SLC39A7: variants seen among roughly 807,000 people sequenced by gnomAD.
SLC39A7 encodes the protein zinc transporter SLC39A7.
Under a neutral mutation model 39.7 loss-of-function variants are expected in SLC39A7, and 25 were observed. That is an observed-to-expected ratio of 0.63 (90% CI 0.46 to 0.88). The LOEUF is 0.88. SLC39A7 is among the 40% of genes least tolerant of loss of function. SLC39A7 has a pLI of 0.00. For synonymous variants in SLC39A7, 181 were observed against 234.1 expected (o/e 0.77, Z 2.07); for missense variants, 501 against 592.1 (o/e 0.85, Z 1.60).
chr6:33,202,228 C>A (rs1232236035), intron 3 of SLC39A7, 35 bp from the exon 4 acceptor site: 1 of 1,601,798 alleles, frequency 6.2e-7, no homozygotes, highest in South Asian at 1.1e-5. Flanking sequence ...CTGGAATGCA[C>A]ATCTCCCTTA....
At chr6:33,202,476 TCTC>T in intron 4 of SLC39A7, 49 bp downstream of exon 4, 1 of 1,605,788 alleles carries the variant, frequency 6.2e-7, no homozygotes, top group African/African-American at 1.3e-5. Context: ...TGCCTCAGAA[TCTC>T]CTCATCTTAT....
rs1232341109 is a variant in SLC39A7 at position 33,202,219 on chromosome 6, T to C, written c.635-44T>C. The C allele has an allele frequency of 5.6e-6, 9 of 1,598,728 alleles. No individual in the cohort carries two copies. In the Admixed American group the frequency reaches 1.3e-4, roughly 24 times the overall value. ...CTCCCGCACTTGAGGAGGAGGAGTC[T>C]GGAATGCACATCTCCCTTAATGTCT... On this transcript the variant is annotated intron_variant, in intron 3 of 6. Transcript: ENST00000374677.
chr6:33,203,329 C>T (rs572353736), intron 6 of SLC39A7, among the ~76,000 whole-genome samples: 5 of 152,324 alleles, frequency 3.3e-5, no homozygotes, highest in Admixed American at 2.0e-4. Flanking sequence ...TACACACACA[C>T]GCCTACTCAA....
rs1483718052 is a variant in SLC39A7, at chr6:33,202,920, G to A, written c.951G>A (p.Val317=). The A allele has an allele frequency of 1.2e-6, 2 of 1,610,554 alleles. No homozygotes were observed. Among genetic ancestry groups the A allele is most frequent in the Non-Finnish European group, 1.7e-6 (2 of 1,179,316 alleles). The change falls in exon 6 of 7, where the codon GTG becomes GTA. Residue 317 remains valine, a synonymous_variant. Coordinates refer to ENST00000374677, the MANE Select transcript of SLC39A7 (RefSeq NM_006979.3). The part of the protein sequence containing the change: ...EEEKRGLDLR[V]SGYLNLAADL... ...CTTGTCCTGTACAAGACCTGCGTGTGTCGGGGTACCTGAATCTGGCTGCTG... is the reference window on the plus strand; with the variant it reads ...CTTGTCCTGTACAAGACCTGCGTGTATCGGGGTACCTGAATCTGGCTGCTG...
chr6:33,201,642 ACT>A lies in SLC39A7; in HGVS notation c.402_403del (p.Trp135GlyfsTer59). The A allele has an allele frequency of 1.2e-6, 2 of 1,610,222 alleles. No individual in the cohort carries two copies. Among genetic ancestry groups the A allele is most frequent in the African/African-American group, 1.3e-5 (1 of 74,822 alleles). On this transcript the variant is annotated frameshift_variant, in exon 1 of 7. Transcript: ENST00000374677. LOFTEE classifies it high-confidence loss of function. This position sits in a 1 kb window ranked among gnomAD's most constrained non-coding sequence, Gnocchi z 5.9. The stretch of plus-strand genomic sequence containing the variant: ...CATCAAGCAGGACCTGGATGCTGTC[ACT>A]CTCTGGGCTTATGTGAGTCTCCAGG... The part of the protein sequence containing the change: ...PGIKQDLDAV[T>X]LWAYALGATV...
rs1277202102 is a variant in SLC39A7, at chr6:33,201,438, G to A, written c.193G>A (p.Gly65Ser). Residue 65 changes from glycine (G) to serine (S), a missense_variant, in exon 1 of 7, where the codon GGC becomes AGC. Coordinates refer to ENST00000374677, the MANE Select transcript of SLC39A7 (RefSeq NM_006979.3). The surrounding 1 kb of genome is among the most constrained non-coding windows in gnomAD (Gnocchi z 5.9). ...TGGCCACAGCCATGCCCATGGCCATGGCCACACTCACGAGAGCATCTGGCA... is the reference window on the plus strand; with the variant it reads ...TGGCCACAGCCATGCCCATGGCCATAGCCACACTCACGAGAGCATCTGGCA... ...HHGHSHAHGH[G>S]HTHESIWHGH... 1.2e-6 allele frequency: 2 copies of A among 1,614,052 alleles called. No individual in the cohort carries two copies. Among genetic ancestry groups the A allele is most frequent in the South Asian group, 1.1e-5 (1 of 91,056 alleles).
Position 33,201,432 on chromosome 6 carries a change from GGCCATGGCCACACTCACGAGA to G in SLC39A7, c.190_210del (p.His64_Ser70del). On this transcript the variant is annotated inframe_deletion, in exon 1 of 7. Transcript: ENST00000374677. The surrounding 1 kb of genome is among the most constrained non-coding windows in gnomAD (Gnocchi z 5.9). The stretch of plus-strand genomic sequence containing the variant: ...CCACCATGGCCACAGCCATGCCCAT[GGCCATGGCCACACTCACGAGA>G]GCATCTGGCATGGACATACCCACGA... 6.2e-7 allele frequency: 1 copy of G among 1,613,560 alleles called. No homozygotes were observed. Among genetic ancestry groups the G allele is most frequent in the Non-Finnish European group, 8.5e-7 (1 of 1,179,548 alleles).
chr6:33,204,019 T>G lies in SLC39A7; in HGVS notation c.*206T>G, dbSNP rs1247163674. On this transcript the variant is annotated 3_prime_UTR_variant, in exon 7 of 7. Transcript: ENST00000374677. ...GAATGAGAGGCCAGAGGGACCATAG[T>G]GTTGGGCACTGTCTGACCATGTTGC... The G allele has an allele frequency of 2.8e-5, 17 of 608,934 alleles. No homozygotes were observed. The Admixed American group carries it at 4.9e-4, about 18-fold the overall frequency. 37.7% of individuals were successfully genotyped at this position (608,934 alleles called of 1,614,324 possible).
Position 33,201,438 on chromosome 6 carries a change from G to T in SLC39A7, c.193G>T (p.Gly65Cys). 1 of 1,614,052 alleles carries T rather than the reference G, an allele frequency of 6.2e-7. No homozygotes were observed. The highest frequency in any genetic ancestry group is 8.5e-7 in the Non-Finnish European group (1 of 1,179,952). ...HHGHSHAHGH[G>C]HTHESIWHGH... ...TGGCCACAGCCATGCCCATGGCCAT[G>T]GCCACACTCACGAGAGCATCTGGCA... is the stretch of plus-strand genomic sequence containing the variant. Residue 65 changes from glycine to cysteine, a missense_variant, in exon 1 of 7, where the codon GGC becomes TGC. By Grantham distance (159) the Gly-to-Cys change is radical. Coordinates refer to ENST00000374677, the MANE Select transcript of SLC39A7 (RefSeq NM_006979.3). This position sits in a 1 kb window ranked among gnomAD's most constrained non-coding sequence, Gnocchi z 5.9.
In SLC39A7 at chr6:33,203,762, G is replaced by A. The variant is rs1272173676; in HGVS notation, c.1359G>A (p.Leu453=). 6.2e-7 allele frequency: 1 copy of A among 1,614,102 alleles called. No homozygotes were observed. The highest frequency in any genetic ancestry group is 8.5e-7 in the Non-Finnish European group (1 of 1,180,042). The change falls in exon 7 of 7, where the codon CTG becomes CTA. Residue 453 remains leucine, a synonymous_variant. Coordinates refer to ENST00000374677, the MANE Select transcript of SLC39A7 (RefSeq NM_006979.3). ...CATTGCAATCACTTCTGGAGGTGCT[G>A]GGGCTGCTGGGGGGAGTTATCATGA... The part of the protein sequence containing the change: ...ASPLQSLLEV[L]GLLGGVIMMV...
Position 33,202,426 on chromosome 6 carries a change from A to G in SLC39A7, c.798A>G (p.Gln266=). 6.2e-7 allele frequency: 1 copy of G among 1,612,256 alleles called. No homozygotes were observed. The highest frequency in any genetic ancestry group is 1.1e-5 in the South Asian group (1 of 91,016). ...HTRGSHGHGR[Q]ERSTKEKQSS... ...GTGGAAGTCATGGACATGGAAGACA[A>G]GGTGAGCCCAGGAACAACTTTCCTG... Residue 266 remains glutamine (Q), a splice_region_variant and synonymous_variant, in exon 4 of 7, where the codon CAA becomes CAG. Coordinates refer to ENST00000374677, the MANE Select transcript of SLC39A7 (RefSeq NM_006979.3).
In SLC39A7 at chr6:33,204,093, G is replaced by C. The variant is rs536519441; in HGVS notation, c.*280G>C. The C allele has an allele frequency of 1.9e-5, 11 of 571,112 alleles. No individual in the cohort carries two copies. The East Asian group carries it at 2.9e-4, about 15-fold the overall frequency. 35.4% of individuals were successfully genotyped at this position (571,112 alleles called of 1,614,324 possible). On this transcript the variant is annotated 3_prime_UTR_variant, in exon 7 of 7. Coordinates refer to ENST00000374677, the MANE Select transcript of SLC39A7 (RefSeq NM_006979.3). ...TGAAGAAGGCTGGAAGGGACAGGGG[G>C]TGATGGCAGCCTACCTGGTGTCCCC...
rs748256939 is a variant in SLC39A7, at chr6:33,202,867, T to C, written c.941-43T>C. 11 of 1,589,264 alleles carry C rather than the reference T, an allele frequency of 6.9e-6. No homozygotes were observed. In the African/African-American group the frequency reaches 1.5e-4, roughly 22 times the overall value. ...AGCTGACCAAGACTGGAACAAGTGG[T>C]GATGGAAGCCTCTGATCATTTTCTC... On this transcript the variant is annotated intron_variant, in intron 5 of 6. Transcript: ENST00000374677.
In SLC39A7 at chr6:33,201,140, C is replaced by A; in HGVS notation, c.-106C>A. 1 of 1,080,272 alleles carries A rather than the reference C, an allele frequency of 9.3e-7. No individual in the cohort carries two copies. The highest frequency in any genetic ancestry group is 1.4e-6 in the Non-Finnish European group (1 of 736,512). 66.9% of individuals were successfully genotyped at this position (1,080,272 alleles called of 1,614,324 possible). On this transcript the variant is annotated 5_prime_UTR_variant, in exon 1 of 7. Coordinates refer to ENST00000374677, the MANE Select transcript of SLC39A7 (RefSeq NM_006979.3). The surrounding 1 kb of genome is among the most constrained non-coding windows in gnomAD (Gnocchi z 5.9). Reference sequence around the variant, plus strand: ...GTGGGAACTTAAGGGAATGGGAGAGCGGCCCATAGAGGTGGACGGAGGGCG... The same window carrying A: ...GTGGGAACTTAAGGGAATGGGAGAGAGGCCCATAGAGGTGGACGGAGGGCG...
Position 33,202,269 on chromosome 6 carries a change from G to T in SLC39A7, c.641G>T (p.Gly214Val). The change falls in exon 4 of 7, where the codon GGC (glycine) becomes GTC (valine). Residue 214 changes from glycine (G) to valine (V), a missense_variant. By Grantham distance (109) the Gly-to-Val change is moderately radical. Coordinates refer to ENST00000374677, the MANE Select transcript of SLC39A7 (RefSeq NM_006979.3). Reference sequence around the variant, plus strand: ...TCAATGCCTCCATTCCCAGGCCAGGGCCCCATTCTGTCTGTGGGACTGTGG... The same window carrying T: ...TCAATGCCTCCATTCCCAGGCCAGGTCCCCATTCTGTCTGTGGGACTGTGG... Reference protein sequence around the residue: ...PGHGHSHSGQGPILSVGLWVL... With the variant: ...PGHGHSHSGQVPILSVGLWVL... 1 of 1,612,840 alleles carries T rather than the reference G, an allele frequency of 6.2e-7. No individual in the cohort carries two copies. The highest frequency in any genetic ancestry group is 8.5e-7 in the Non-Finnish European group (1 of 1,179,898).
intron 5 of SLC39A7, 43 bp downstream of exon 5, chr6:33,202,743 T>C (rs757298610): frequency 6.4e-7 from 1 of 1,571,142 alleles, no homozygotes; most frequent in South Asian, 1.2e-5. Flanking sequence ...AGGGACATCA[T>C]CACAAATCAC....
rs751736422 is a variant in SLC39A7 at position 33,202,086 on chromosome 6, CACA to C, written c.596_598del (p.His199_Thr200delinsPro). On this transcript the variant is annotated inframe_deletion, in exon 3 of 7. Transcript: ENST00000374677. ...CCTTCTTCCAGAACCTCATTCTCAC[CACA>C]CTCTGGAGCAACCCGGACATGGACA... is the stretch of plus-strand genomic sequence containing the variant. The C allele has an allele frequency of 6.2e-7, 1 of 1,612,954 alleles. No homozygotes were observed. Among genetic ancestry groups the C allele is most frequent in the East Asian group, 2.2e-5 (1 of 44,874 alleles).
At chr6:33,203,417 CTT>C in intron 6 of SLC39A7, 122 bp from the exon 7 acceptor site, 1 of 1,017,916 alleles carries the variant, frequency 9.8e-7, no homozygotes, top group Non-Finnish European at 1.4e-6. Flanking sequence ...TCCCTCTTCT[CTT>C]TTTATTTTGA....
Position 33,200,920 on chromosome 6 carries a change from G to A in SLC39A7, c.-326G>A, listed in dbSNP as rs1025253907. ...TGCCACGTCCAAGCAAACCGGGAAAGGAGAGGATCCCGGAGCCGGTGAGAA... is the reference window on the plus strand; with the variant it reads ...TGCCACGTCCAAGCAAACCGGGAAAAGAGAGGATCCCGGAGCCGGTGAGAA... On this transcript the variant is annotated 5_prime_UTR_variant, in exon 1 of 7. Transcript: ENST00000374677. This position sits in a 1 kb window ranked among gnomAD's most constrained non-coding sequence, Gnocchi z 6.3. 21 of 1,116,910 alleles carry A rather than the reference G, an allele frequency of 1.9e-5. No homozygotes were observed. The Admixed American group carries it at 3.2e-4, about 17-fold the overall frequency. The allele number at this position is 1,116,910 out of a possible 1,614,324, so 69.2% of individuals were successfully genotyped here.
Sources: allele counts gnomAD v4.1 joint callset (sites outside exome capture counted in the v4.1 genomes callset), GRCh38; gene constraint gnomAD v4.1.1; non-coding constraint Gnocchi (gnomAD v3.1); transcripts MANE v1.5; gene names NCBI Gene and HGNC (gene_info 2026-07-23, HGNC 2026-07-21).